Variants in COL26A1 observed in about 807,000 individuals in gnomAD.
COL26A1 encodes collagen type XXVI alpha 1 chain.
Under a neutral mutation model 59.3 loss-of-function variants are expected in COL26A1, and 41 were observed. The ratio of observed to expected loss-of-function variants is 0.69; its 90% CI spans 0.54 to 0.90. The LOEUF (loss-of-function observed/expected upper bound fraction) is 0.90, where lower values mean the gene tolerates loss of function less well. Ranked by LOEUF, COL26A1 falls within the 40% of genes least tolerant of loss-of-function variation. The pLI, the probability that COL26A1 is intolerant of heterozygous loss-of-function variation, is 0.00. For synonymous variants in COL26A1, 266 were observed against 256.0 expected, an observed-to-expected ratio of 1.04 and a Z score of -0.37; for missense variants, 612 against 602.3, an observed-to-expected ratio of 1.02 and a Z score of -0.17.
intron 3 of COL26A1, among the ~76,000 whole-genome samples, chr7:101,513,858 C>T (rs544996283): frequency 1.3e-4 from 20 of 152,088 alleles, no homozygotes; most frequent in African/African-American, 2.2e-4. Flanking sequence ...AAATTGACGA[C>T]GGGCTGGTAT....
At chr7:101,364,193 T>C (rs1049306953) in intron 1 of COL26A1, among the ~76,000 whole-genome samples, 1 of 151,996 alleles carries the variant, frequency 6.6e-6, no homozygotes, top group African/African-American at 2.4e-5. Context: ...ACCATAAGCA[T>C]GCAAGTAAAA....
intron 1 of COL26A1, among the ~76,000 whole-genome samples, chr7:101,398,029 G>A (rs1188398297): frequency 1.3e-5 from 2 of 152,134 alleles, no homozygotes; most frequent in African/African-American, 2.4e-5. Context: ...GTCCTTGAAT[G>A]TCATATAAAC....
intron 3 of COL26A1, among the ~76,000 whole-genome samples, chr7:101,451,145 T>C (rs1793327659): frequency 7.0e-6 from 1 of 142,120 alleles, no homozygotes. Flanking sequence ...AATTGAAATA[T>C]ATAATATAGT....
intron 1 of COL26A1, among the ~76,000 whole-genome samples, chr7:101,415,154 C>G (rs1050906054): frequency 2.1e-5 from 3 of 146,074 alleles, no homozygotes; most frequent in Admixed American, 2.0e-4. Context: ...CATAACCCCC[C>G]CCCTTTTTTT....
At chr7:101,516,930 A>G (rs1329523682) in intron 3 of COL26A1, among the ~76,000 whole-genome samples, 1 of 152,132 alleles carries the variant, frequency 6.6e-6, no homozygotes, top group Non-Finnish European at 1.5e-5. Context: ...CAGGCTGGAA[A>G]ATCCAGGCAA....
At chr7:101,458,581 A>G (rs1304643572) in intron 3 of COL26A1, among the ~76,000 whole-genome samples, 1 of 152,042 alleles carries the variant, frequency 6.6e-6, no homozygotes, top group African/African-American at 2.4e-5. Flanking sequence ...GAGTGATCTA[A>G]GTGAGCCAAG....
At chr7:101,544,383 A>G (rs894877615) in intron 6 of COL26A1, among the ~76,000 whole-genome samples, 1 of 151,980 alleles carries the variant, frequency 6.6e-6, no homozygotes, top group African/African-American at 2.4e-5. Context: ...ATGCGCCACC[A>G]CACCTGGCTA....
At chr7:101,455,509 T>G (rs867853373) in intron 3 of COL26A1, among the ~76,000 whole-genome samples, 1 of 146,720 alleles carries the variant, frequency 6.8e-6, no homozygotes, top group Non-Finnish European at 1.5e-5. Context: ...TTTTCTTTTT[T>G]TTTTTTTTTT....
intron 1 of COL26A1, among the ~76,000 whole-genome samples, chr7:101,411,262 G>A (rs148884942): frequency 2.2e-3 from 333 of 152,312 alleles, no homozygotes; most frequent in African/African-American, 7.7e-3. Flanking sequence ...GGAGCTGGGA[G>A]TCTTCCCATA....
chr7:101,556,314 G>A lies in COL26A1; in HGVS notation c.1165+443G>A, dbSNP rs12536222. ...TTCTGTGACCCTCTGGGAGTCCCTT[G>A]TGCAGAACAGTGAATGATACCTCTG... is the stretch of plus-strand genomic sequence containing the variant. On this transcript the variant is annotated intron_variant, in intron 12 of 12. Coordinates refer to ENST00000313669, the MANE Select transcript of COL26A1 (RefSeq NM_001278563.3). Among the ~76,000 whole-genome samples the A allele has an allele frequency of 1.2e-3, 187 of 152,312 alleles. No individual in the cohort carries two copies. The East Asian group carries it at 0.024, about 20-fold the overall frequency.
intron 1 of COL26A1, among the ~76,000 whole-genome samples, chr7:101,364,576 T>C (rs11489587): frequency 2.0e-4 from 6 of 29,948 alleles, no homozygotes; most frequent in South Asian, 7.9e-4. Context: ...TTCTTTCTTT[T>C]TTTTTTTTTT....
At chr7:101,518,598 G>T (rs972505912) in intron 3 of COL26A1, among the ~76,000 whole-genome samples, 2 of 152,166 alleles carry the variant, frequency 1.3e-5, no homozygotes, top group African/African-American at 4.8e-5. Context: ...AGTTATTTAT[G>T]ATTTCTTTCT....
In COL26A1 at chr7:101,489,779, T is replaced by G. The variant is rs551953352; in HGVS notation, c.385+41992T>G. 8.3e-3 allele frequency among the ~76,000 whole-genome samples: 19 copies of G among 2,286 alleles called. 4 individuals are homozygous for G. The highest frequency in any genetic ancestry group is 0.016 in the African/African-American group (10 of 642). 1.5% of individuals were successfully genotyped at this position (2,286 alleles called of 152,430 possible). ...CTCTCTTTCTTTCTTTCTTTCTTTC[T>G]TTCTTTCTTTCTTTCTTTCTTTCTT... On this transcript the variant is annotated intron_variant, in intron 3 of 12. Coordinates refer to ENST00000313669, the MANE Select transcript of COL26A1 (RefSeq NM_001278563.3).
chr7:101,379,672 A>T (rs1340048292), intron 1 of COL26A1, among the ~76,000 whole-genome samples: 3 of 152,178 alleles, frequency 2.0e-5, no homozygotes, highest in African/African-American at 7.2e-5. Context: ...GCGAGATAGG[A>T]GGTCAGCACA....
At chr7:101,455,826 G>A (rs184889206) in intron 3 of COL26A1, among the ~76,000 whole-genome samples, 492 of 152,224 alleles carry the variant, frequency 3.2e-3, no homozygotes, top group Admixed American at 5.7e-3. Flanking sequence ...GGGACTGCAG[G>A]TGCACGCCAC....
chr7:101,429,610 T>TTTTTTTTTTA, intron 2 of COL26A1, among the ~76,000 whole-genome samples: 1 of 87,044 alleles, frequency 1.1e-5, no homozygotes, highest in Non-Finnish European at 2.5e-5. Flanking sequence ...TTTTTTTTTT[T>TTTTTTTTTTA]GAGACAGGAT....
rs1562966523 is a variant in COL26A1, at chr7:101,410,245, T to C, written c.159-9732T>C. On this transcript the variant is annotated intron_variant, in intron 1 of 12. Coordinates refer to ENST00000313669, the MANE Select transcript of COL26A1 (RefSeq NM_001278563.3). ...TCGTTGGTTCATCAGTTCATCTGAA[T>C]GCAAACTCTAAAAAGTATTGCAAAG... Among the ~76,000 whole-genome samples, 12 of 152,302 alleles carry C rather than the reference T, an allele frequency of 7.9e-5. No individual in the cohort carries two copies. The South Asian group carries it at 2.1e-3, about 26-fold the overall frequency.
intron 4 of COL26A1, among the ~76,000 whole-genome samples, chr7:101,534,629 G>A (rs1019436140): frequency 2.0e-5 from 3 of 148,308 alleles, no homozygotes; most frequent in Admixed American, 6.7e-5. Flanking sequence ...ACACAAGCAT[G>A]CATGTCAATG....
At chr7:101,446,487 C>T (rs1006933772) in intron 2 of COL26A1, among the ~76,000 whole-genome samples, 6 of 152,212 alleles carry the variant, frequency 3.9e-5, no homozygotes, top group African/African-American at 1.4e-4. Context: ...ACAGCTGTCA[C>T]TGCCCAAGGG....
Sources: allele counts gnomAD v4.1 joint callset (sites outside exome capture counted in the v4.1 genomes callset), GRCh38; gene constraint gnomAD v4.1.1; transcripts MANE v1.5; gene names NCBI Gene and HGNC (gene_info 2026-07-23, HGNC 2026-07-21).